ME3: variants seen among roughly 807,000 people sequenced by gnomAD.
ME3 encodes malic enzyme 3, also known as NADP-dependent malic enzyme, mitochondrial.
ME3 carries 48 observed loss-of-function variants against 68.9 expected under a neutral mutation model. That is an observed-to-expected ratio of 0.70 (90% CI 0.55 to 0.89). ME3 has a LOEUF of 0.89. ME3 is among the 40% of genes least tolerant of loss of function. ME3 has a pLI of 0.00. For missense variants in ME3, 675 were observed against 797.4 expected, an observed-to-expected ratio of 0.85 and a Z score of 1.85; for synonymous variants, 320 against 318.8, an observed-to-expected ratio of 1.00 and a Z score of -0.04.
intron 4 of ME3, among the ~76,000 whole-genome samples, chr11:86,551,212 A>C (rs1956664807): frequency 6.6e-6 from 1 of 152,152 alleles, no homozygotes. Flanking sequence ...TTGATAAAGC[A>C]TGTTCACATG....
chr11:86,514,687 C>CTTCA (rs1446784427), intron 4 of ME3, among the ~76,000 whole-genome samples: 2 of 152,210 alleles, frequency 1.3e-5, no homozygotes, highest in African/African-American at 4.8e-5. Flanking sequence ...CTTCTTCAAG[C>CTTCA]TTCAGTTCCT....
intron 6 of ME3, among the ~76,000 whole-genome samples, chr11:86,493,463 G>A (rs1305865957): frequency 1.3e-5 from 2 of 152,202 alleles, no homozygotes; most frequent in African/African-American, 4.8e-5. Context: ...ACTGGGTTTC[G>A]AGTCAAACCT....
At chr11:86,455,894 C>T (rs952483106) in intron 8 of ME3, among the ~76,000 whole-genome samples, 2 of 150,726 alleles carry the variant, frequency 1.3e-5, no homozygotes, top group African/African-American at 2.4e-5. Context: ...GTATTTAAAT[C>T]ACTTAAAGAA....
chr11:86,636,736 C>T (rs766027774), intron 2 of ME3, among the ~76,000 whole-genome samples: 14 of 152,206 alleles, frequency 9.2e-5, no homozygotes, highest in Non-Finnish European at 1.9e-4. Flanking sequence ...TACTTAACTT[C>T]TCAAATCCTC....
intron 6 of ME3, 136 bp from the exon 7 acceptor site, chr11:86,487,576 C>T (rs1219779296): frequency 3.0e-6 from 2 of 669,366 alleles, no homozygotes. Context: ...ACTGGATCCC[C>T]CCCGCCCAGG....
At chr11:86,624,259 G>A (rs1943525367) in intron 2 of ME3, among the ~76,000 whole-genome samples, 1 of 152,112 alleles carries the variant, frequency 6.6e-6, no homozygotes, top group African/African-American at 2.4e-5. Context: ...ACTGGCTCTT[G>A]TCAGATACCC....
chr11:86,464,698 G>T lies in ME3; in HGVS notation c.919+393C>A, dbSNP rs552025447. ...TGGGTTAGTACTTTCTATAGCATTA[G>T]CCTTGTAAATTTTCACCATGCTCTT... On this transcript the variant is annotated intron_variant, in intron 8 of 14. Coordinates refer to ENST00000543262, the Ensembl canonical transcript of ME3. Among the ~76,000 whole-genome samples, 4 of 152,310 alleles carry T rather than the reference G, an allele frequency of 2.6e-5. No homozygotes were observed. The South Asian group carries it at 8.3e-4, about 32-fold the overall frequency.
rs146590752 is a variant in ME3 at position 86,473,947 on chromosome 11, G to A, written c.810-8747C>T. On this transcript the variant is annotated intron_variant, in intron 7 of 14. Transcript: ENST00000543262. Reference sequence around the variant, plus strand: ...TTTGAGGCAAAAGCAGAGCCAATGAGTGGAAGTCAGAAGGACACAGATTCC... The same window carrying A: ...TTTGAGGCAAAAGCAGAGCCAATGAATGGAAGTCAGAAGGACACAGATTCC... Among the ~76,000 whole-genome samples, 18 of 152,346 alleles carry A rather than the reference G, an allele frequency of 1.2e-4. No homozygotes were observed. The East Asian group carries it at 3.3e-3, about 28-fold the overall frequency.
At chr11:86,638,484 C>T (rs1944478381) in intron 2 of ME3, among the ~76,000 whole-genome samples, 2 of 152,108 alleles carry the variant, frequency 1.3e-5, no homozygotes, top group South Asian at 4.1e-4. Context: ...CTTAATGTGT[C>T]TTTGTTAAAA....
intron 2 of ME3, among the ~76,000 whole-genome samples, chr11:86,568,986 A>G (rs1169960963): frequency 6.6e-6 from 1 of 152,194 alleles, no homozygotes; most frequent in Non-Finnish European, 1.5e-5. Flanking sequence ...TGCTTCTCCC[A>G]CTTATTAAAT....
chr11:86,591,943 A>G (rs552597145), intron 2 of ME3, among the ~76,000 whole-genome samples: 237 of 152,286 alleles, frequency 1.6e-3, no homozygotes, highest in African/African-American at 5.3e-3. Flanking sequence ...TCTAGAGTCC[A>G]GAACTGTGAG....
chr11:86,577,053 T>G (rs540953221), intron 2 of ME3, among the ~76,000 whole-genome samples: 1 of 152,254 alleles, frequency 6.6e-6, no homozygotes, highest in African/African-American at 2.4e-5. Context: ...ATGGAAAGCT[T>G]CTTATCTCAT....
rs1396194967 is a variant in ME3, at chr11:86,605,149, G to T, written c.184-45326C>A. Among the ~76,000 whole-genome samples, 6 of 152,074 alleles carry T rather than the reference G, an allele frequency of 3.9e-5. 1 individual carries two copies. Among genetic ancestry groups the T allele is most frequent in the Non-Finnish European group, 8.8e-5 (6 of 68,008 alleles). On this transcript the variant is annotated intron_variant, in intron 2 of 14. Transcript: ENST00000543262. The stretch of plus-strand genomic sequence containing the variant: ...CTTTCACTTAACACAATGTTTTTGA[G>T]GTTCATCCATGTTGTATCATGTATC...
chr11:86,512,742 T>A (rs1395174053), intron 4 of ME3, among the ~76,000 whole-genome samples: 1 of 152,184 alleles, frequency 6.6e-6, no homozygotes, highest in African/African-American at 2.4e-5. Context: ...GGGCTCCATT[T>A]ACCGCACTAA....
chr11:86,620,900 T>C (rs1446670691), intron 2 of ME3, among the ~76,000 whole-genome samples: 1 of 152,222 alleles, frequency 6.6e-6, no homozygotes, highest in African/African-American at 2.4e-5. Flanking sequence ...CAGATCCATC[T>C]GACCTAGGCC....
chr11:86,559,793 G>T, exon 3 of ME3: 2 of 1,614,058 alleles, frequency 1.2e-6, no homozygotes, highest in Non-Finnish European at 1.7e-6. Flanking sequence ...ATTCCAAGCT[G>T]CAGCCTTTCT....
chr11:86,657,822 T>C (rs1751192675), intron 2 of ME3, among the ~76,000 whole-genome samples: 1 of 152,214 alleles, frequency 6.6e-6, no homozygotes, highest in Non-Finnish European at 1.5e-5. Flanking sequence ...AGAAGAATCA[T>C]AGCTGGCAAG....
At chr11:86,453,397 G>A (rs1014307377) in intron 8 of ME3, among the ~76,000 whole-genome samples, 1 of 152,084 alleles carries the variant, frequency 6.6e-6, no homozygotes, top group Non-Finnish European at 1.5e-5. Flanking sequence ...TTGGGTAATT[G>A]TTTATTAGCT....
Position 86,668,935 on chromosome 11 carries a change from C to T in ME3, c.183+2827G>A, listed in dbSNP as rs144074760. ...CTTCTAACAGAAAAAAATCCACCCA[C>T]AGACATGAACACTAAGCACAGCATT... is the stretch of plus-strand genomic sequence containing the variant. On this transcript the variant is annotated intron_variant, in intron 2 of 14. Coordinates refer to ENST00000543262, the Ensembl canonical transcript of ME3. 3.0e-3 allele frequency among the ~76,000 whole-genome samples: 452 copies of T among 152,346 alleles called. 2 individuals carry two copies. The highest frequency in any genetic ancestry group is 0.014 in the Middle Eastern group (4 of 294).
Sources: gnomAD v4.1 joint callset for allele counts (sites outside exome capture counted in the v4.1 genomes callset) on GRCh38, gnomAD v4.1.1 for gene constraint, MANE v1.5 for transcripts, NCBI Gene and HGNC (gene_info 2026-07-23, HGNC 2026-07-21) for gene names.